Variants in HSD17B4 observed in about 807,000 individuals in gnomAD.
HSD17B4 encodes the protein peroxisomal multifunctional enzyme type 2.
In HSD17B4, 70 loss-of-function variants were observed where a neutral mutation model predicts 101.0. The ratio of observed to expected loss-of-function variants is 0.69; its 90% CI spans 0.57 to 0.85. The LOEUF (loss-of-function observed/expected upper bound fraction) is 0.85, where lower values mean the gene tolerates loss of function less well. Among genes scored for constraint, HSD17B4 ranks in the 40% least tolerant of loss-of-function variants. The probability of loss-of-function intolerance (pLI) is 0.00; values close to 1 mark genes in which losing one functional copy is unlikely to be tolerated. For synonymous variants in HSD17B4, 347 were observed against 297.1 expected, an observed-to-expected ratio of 1.17 and a Z score of -1.73; for missense variants, 984 against 892.4, an observed-to-expected ratio of 1.10 and a Z score of -1.31.
At chr5:119,469,839 G>T (rs1410195635) in intron 2 of HSD17B4, among the ~76,000 whole-genome samples, 1 of 152,122 alleles carries the variant, frequency 6.6e-6, no homozygotes, top group African/African-American at 2.4e-5. Context: ...GATTTCTTTG[G>T]CTGTAATCAA....
intron 2 of HSD17B4, chr5:119,456,601 G>T (rs1407949865): frequency 1.9e-6 from 1 of 522,702 alleles, no homozygotes; most frequent in Non-Finnish European, 3.4e-6. Flanking sequence ...AGGGCTAGGG[G>T]GTAGGCATGC....
At chr5:119,519,534 A>C (rs1752932221) in intron 17 of HSD17B4, among the ~76,000 whole-genome samples, 2 of 152,236 alleles carry the variant, frequency 1.3e-5, no homozygotes, top group South Asian at 4.1e-4. Context: ...CATGGATGCT[A>C]GTTGGACCAT....
chr5:119,457,816 A>T (rs1207512285), intron 2 of HSD17B4, among the ~76,000 whole-genome samples: 1 of 152,176 alleles, frequency 6.6e-6, no homozygotes, highest in Non-Finnish European at 1.5e-5. Flanking sequence ...TTGTGCAAAG[A>T]AGGTACTTTG....
intron 23 of HSD17B4, among the ~76,000 whole-genome samples, chr5:119,537,267 A>G (rs149719151): frequency 1.3e-5 from 2 of 152,290 alleles, no homozygotes; most frequent in Admixed American, 1.3e-4. Context: ...AAGGAATTGT[A>G]AAGTAGTATA....
chr5:119,456,291 TC>T, intron 1 of HSD17B4, 23 bp from the exon 2 acceptor site: 1 of 1,577,158 alleles, frequency 6.3e-7, no homozygotes, highest in African/African-American at 1.3e-5. Flanking sequence ...TCTTCAACTT[TC>T]TGATTATTTT....
chr5:119,521,093 G>GA (rs1753076402), intron 17 of HSD17B4, among the ~76,000 whole-genome samples: 3 of 152,312 alleles, frequency 2.0e-5, no homozygotes, highest in Admixed American at 2.0e-4. Context: ...GGTTTCCCAA[G>GA]AACGGCTCCT....
chr5:119,456,333 C>T lies in HSD17B4; in HGVS notation c.77C>T (p.Ala26Val), dbSNP rs1754652049. 3.1e-6 allele frequency: 5 copies of T among 1,611,246 alleles called. No homozygotes were observed. The East Asian group carries it at 8.9e-5, about 29-fold the overall frequency. Residue 26 changes from alanine to valine, a missense_variant, in exon 2 of 24, where the codon GCC becomes GTC. Transcript: ENST00000510025. ...TGATTAGGATTGGGCCGAGCCTATG[C>T]CCTGGCTTTTGCAGAAAGAGGAGCG... ...GAGAGLGRAY[A>V]LAFAERGALV...
intron 12 of HSD17B4, among the ~76,000 whole-genome samples, chr5:119,499,103 C>T (rs1186165181): frequency 6.6e-6 from 1 of 152,006 alleles, no homozygotes; most frequent in African/African-American, 2.4e-5. Context: ...AAGAAGCAAG[C>T]AATAAAAAAC....
chr5:119,470,530 G>A (rs1427004585), intron 2 of HSD17B4, among the ~76,000 whole-genome samples: 1 of 152,156 alleles, frequency 6.6e-6, no homozygotes, highest in African/African-American at 2.4e-5. Flanking sequence ...GTGATTACAG[G>A]TATTTGTGAT....
intron 17 of HSD17B4, among the ~76,000 whole-genome samples, chr5:119,523,231 A>G (rs965195204): frequency 6.6e-6 from 1 of 152,146 alleles, no homozygotes; most frequent in Non-Finnish European, 1.5e-5. Context: ...CAATTTTAAA[A>G]AATCAAATTA....
chr5:119,460,417 A>C (rs1755111619), intron 2 of HSD17B4, among the ~76,000 whole-genome samples: 1 of 152,246 alleles, frequency 6.6e-6, no homozygotes, highest in South Asian at 2.1e-4. Context: ...GCCGTACATG[A>C]AATACCCACA....
chr5:119,455,601 A>G (rs116735093), intron 1 of HSD17B4, among the ~76,000 whole-genome samples: 3,052 of 151,012 alleles, frequency 0.02, 98 homozygotes, highest in African/African-American at 0.07. Flanking sequence ...TTTTGGATAT[A>G]TAAATTTACA....
chr5:119,464,411 T>C (rs1318103271), intron 2 of HSD17B4, among the ~76,000 whole-genome samples: 1 of 152,184 alleles, frequency 6.6e-6, no homozygotes, highest in Non-Finnish European at 1.5e-5. Context: ...CATATGGATA[T>C]CCAGTTTTCC....
rs892490323 is a variant in HSD17B4, at chr5:119,542,305, T to C, written c.*311T>C. On this transcript the variant is annotated 3_prime_UTR_variant, in exon 24 of 24. Transcript: ENST00000510025. ...AGCATTGATAAGTTGAAAGGAAAAT[T>C]AAATCAATAAAGGCCTTTGATACCT... 8.6e-6 allele frequency: 2 copies of C among 233,628 alleles called. No homozygotes were observed. The highest frequency in any genetic ancestry group is 4.6e-5 in the African/African-American group (2 of 43,086). The allele number at this position is 233,628 out of a possible 1,614,324, so 14.5% of individuals were successfully genotyped here.
intron 16 of HSD17B4, chr5:119,509,519 T>A: frequency 1.8e-6 from 1 of 543,896 alleles, no homozygotes; most frequent in South Asian, 1.9e-5. Flanking sequence ...ATTTTTTATG[T>A]TTTTCATGAC....
chr5:119,472,827 T>A (rs1756511740), intron 2 of HSD17B4, among the ~76,000 whole-genome samples: 2 of 152,254 alleles, frequency 1.3e-5, no homozygotes, highest in Non-Finnish European at 2.9e-5. Context: ...TTTGTGATTC[T>A]ATGAGTTTTG....
intron 14 of HSD17B4, 148 bp from the exon 15 acceptor site, chr5:119,506,670 C>T: frequency 1.9e-6 from 1 of 527,542 alleles, no homozygotes; most frequent in Non-Finnish European, 3.5e-6. Context: ...ACATCCTCTG[C>T]AGCATCTGTT....
chr5:119,525,793 A>G, intron 18 of HSD17B4, 124 bp from the exon 19 acceptor site: 1 of 684,008 alleles, frequency 1.5e-6, no homozygotes, highest in Non-Finnish European at 2.7e-6. Context: ...TGTGTTTCTT[A>G]AAATAGATGG....
intron 6 of HSD17B4, chr5:119,476,761 A>G: frequency 4.4e-6 from 4 of 909,842 alleles, no homozygotes; most frequent in Non-Finnish European, 5.3e-6. Flanking sequence ...CTAAGCCACT[A>G]CTCCTGACTA....
Sources: allele counts gnomAD v4.1 joint callset (sites outside exome capture counted in the v4.1 genomes callset), GRCh38; gene constraint gnomAD v4.1.1; transcripts MANE v1.5; gene names NCBI Gene and HGNC (gene_info 2026-07-23, HGNC 2026-07-21).